The following MYRFL variants were observed in gnomAD, a reference collection of about 807,000 sequenced individuals.
MYRFL encodes myelin regulatory factor-like protein.
In MYRFL, 88 loss-of-function variants were observed where a neutral mutation model predicts 109.4. The ratio of observed to expected loss-of-function variants is 0.80; its 90% confidence interval spans 0.68 to 0.96. The LOEUF (loss-of-function observed/expected upper bound fraction) is 0.96. Ranked by LOEUF, MYRFL falls within the 40% of genes least tolerant of loss-of-function variation. The pLI is 0.00. For synonymous variants in MYRFL, 324 were observed against 320.9 expected, an observed-to-expected ratio of 1.01 and a Z score of -0.10; for missense variants, 957 against 954.9, an observed-to-expected ratio of 1.00 and a Z score of -0.03.
intron 13 of MYRFL, among the ~76,000 whole-genome samples, chr12:69,913,721 AG>A (rs1264295669): frequency 6.6e-6 from 1 of 152,214 alleles, no homozygotes; most frequent in African/African-American, 2.4e-5. Flanking sequence ...TTTTGAAATC[AG>A]GAAGTGTGAG....
intron 2 of MYRFL, among the ~76,000 whole-genome samples, chr12:69,876,317 C>T (rs1209521902): frequency 6.6e-6 from 1 of 152,168 alleles, no homozygotes; most frequent in Non-Finnish European, 1.5e-5. Flanking sequence ...TCAGTGCCCA[C>T]CACAATCTCC....
At chr12:69,934,466 C>T (rs1006464386) in intron 16 of MYRFL, among the ~76,000 whole-genome samples, 2 of 152,210 alleles carry the variant, frequency 1.3e-5, no homozygotes, top group African/African-American at 2.4e-5. Flanking sequence ...AGTGTCCTGG[C>T]TTTGTCACAT....
At chr12:69,957,651 G>A (rs935902282) in intron 22 of MYRFL, among the ~76,000 whole-genome samples, 171 bp from the exon 23 acceptor site, 15 of 152,182 alleles carry the variant, frequency 9.9e-5, no homozygotes, top group Non-Finnish European at 2.2e-4. Context: ...GTAATGAGAT[G>A]TGAGCTGGCC....
chr12:69,851,859 G>A (rs771939615), intron 1 of MYRFL, among the ~76,000 whole-genome samples: 32 of 152,024 alleles, frequency 2.1e-4, no homozygotes, highest in Non-Finnish European at 4.1e-4. Context: ...ATGGGGTTTC[G>A]CTACGTTGCC....
At chr12:69,854,116 G>A (rs544436330) in intron 1 of MYRFL, among the ~76,000 whole-genome samples, 64 of 152,330 alleles carry the variant, frequency 4.2e-4, no homozygotes, top group Non-Finnish European at 6.9e-4. Context: ...AGGCCGAGGC[G>A]GGCAGATCAC....
chr12:69,926,705 GT>G lies in MYRFL; in HGVS notation c.1738del (p.Ser580HisfsTer51). 1 of 1,507,896 alleles carries G rather than the reference GT, an allele frequency of 6.6e-7. No individual in the cohort carries two copies. Among genetic ancestry groups the G allele is most frequent in the East Asian group, 2.5e-5 (1 of 40,422 alleles). The allele number at this position is 1,507,896 out of a possible 1,614,324, so 93.4% of individuals were successfully genotyped here. A position where few individuals can be genotyped will look rare whatever the true frequency, so the allele number is the denominator to read the frequency against. On this transcript the variant is annotated frameshift_variant, in exon 14 of 25. Transcript: ENST00000552032. LOFTEE classifies it high-confidence loss of function. ...GGCTAAAGCGGCTCAGTAGTTGGAA[GT>G]CATCAGCCAGTGAAGCAAGCACAAT... ...ARLKRLSSWKSSASEASTISK... is the reference protein window; with the variant it reads ...ARLKRLSSWKXSASEASTISK...
chr12:69,917,504 G>A (rs1476240080), intron 13 of MYRFL, among the ~76,000 whole-genome samples: 2 of 146,514 alleles, frequency 1.4e-5, no homozygotes, highest in Admixed American at 7.2e-5. Flanking sequence ...TTTAAGTACT[G>A]TAGGAATTCA....
intron 2 of MYRFL, among the ~76,000 whole-genome samples, chr12:69,869,910 T>G (rs17107202): frequency 2.0e-5 from 3 of 152,160 alleles, no homozygotes; most frequent in East Asian, 3.9e-4. Flanking sequence ...ACATATCACC[T>G]CAACTAGCTG....
intron 1 of MYRFL, among the ~76,000 whole-genome samples, chr12:69,841,703 G>A (rs1565963624): frequency 6.6e-6 from 1 of 152,100 alleles, no homozygotes; most frequent in South Asian, 2.1e-4. Flanking sequence ...GCTTTTCCTG[G>A]CATCTTTTTG....
chr12:69,939,367 C>T (rs1955568718), intron 19 of MYRFL, among the ~76,000 whole-genome samples: 5 of 152,298 alleles, frequency 3.3e-5, no homozygotes, highest in Admixed American at 3.3e-4. Flanking sequence ...ACTGCCTCCT[C>T]AAGTGGGTCC....
intron 5 of MYRFL, among the ~76,000 whole-genome samples, chr12:69,883,984 G>T (rs575612187): frequency 6.6e-6 from 1 of 152,244 alleles, no homozygotes; most frequent in African/African-American, 2.4e-5. Context: ...TAGATTGTAG[G>T]ATAGTGGTCA....
At position 69,846,106 on chromosome 12, in the gene MYRFL, C is replaced by CTTTTTTTTT. The variant is rs60251292; in HGVS notation, c.47-9155_47-9147dup. Among the ~76,000 whole-genome samples, 13 of 61,726 alleles carry CTTTTTTTTT rather than the reference C, an allele frequency of 2.1e-4. No individual in the cohort carries two copies. In the East Asian group the frequency reaches 2.1e-3, roughly 10 times the overall value. The allele number at this position is 61,726 out of a possible 152,430, so 40.5% of individuals were successfully genotyped here. Reference sequence around the variant, plus strand: ...CTTTTAGATATTGGCTATTGACTATCTTTTTTTTTTTTTTTTTTTTTTTTT... The same window carrying CTTTTTTTTT: ...CTTTTAGATATTGGCTATTGACTATCTTTTTTTTTTTTTTTTTTTTTTTTTTTTTTTTTT... On this transcript the variant is annotated intron_variant, in intron 1 of 24. Transcript: ENST00000552032.
intron 5 of MYRFL, among the ~76,000 whole-genome samples, chr12:69,883,003 G>A (rs1886226289): frequency 1.3e-5 from 2 of 152,200 alleles, no homozygotes; most frequent in South Asian, 4.1e-4. Context: ...ACTTTTTAAA[G>A]TAAGTTATGC....
intron 1 of MYRFL, among the ~76,000 whole-genome samples, chr12:69,831,173 G>C (rs1368413848): frequency 6.6e-6 from 1 of 152,114 alleles, no homozygotes; most frequent in East Asian, 1.9e-4. Flanking sequence ...CTTAATGTTA[G>C]TTATTCATCA....
At chr12:69,873,110 T>G (rs527392333) in intron 2 of MYRFL, among the ~76,000 whole-genome samples, 1 of 152,292 alleles carries the variant, frequency 6.6e-6, no homozygotes, top group South Asian at 2.1e-4. Flanking sequence ...TTCTTTACAG[T>G]TTCATGAATA....
intron 19 of MYRFL, among the ~76,000 whole-genome samples, chr12:69,938,480 G>A (rs1955535943): frequency 6.6e-6 from 1 of 152,094 alleles, no homozygotes; most frequent in South Asian, 2.1e-4. Context: ...ATAGTCATGT[G>A]CCACATAATG....
chr12:69,886,706 C>G (rs982033648), intron 5 of MYRFL, 114 bp from the exon 6 acceptor site: 19 of 1,279,746 alleles, frequency 1.5e-5, no homozygotes, highest in Non-Finnish European at 2.0e-5. Flanking sequence ...GCACATGACA[C>G]TTCCCTAGTC....
chr12:69,872,700 C>T (rs1421450895), intron 2 of MYRFL, among the ~76,000 whole-genome samples: 1 of 152,028 alleles, frequency 6.6e-6, no homozygotes, highest in Non-Finnish European at 1.5e-5. Flanking sequence ...GGGGTTTCAC[C>T]ATGTTGGCCA....
intron 19 of MYRFL, among the ~76,000 whole-genome samples, chr12:69,945,726 G>C (rs1190278627): frequency 2.0e-5 from 3 of 151,930 alleles, no homozygotes; most frequent in Non-Finnish European, 4.4e-5. Flanking sequence ...GGTGGCTCAC[G>C]CCTGTAATCC....
Sources: gnomAD v4.1 joint callset for allele counts (sites outside exome capture counted in the v4.1 genomes callset) on GRCh38, gnomAD v4.1.1 for gene constraint, MANE v1.5 for transcripts, NCBI Gene and HGNC (gene_info 2026-07-23, HGNC 2026-07-21) for gene names.